The following TRIM25 variants were observed in gnomAD, a reference collection of about 807,000 sequenced individuals.
TRIM25 encodes tripartite motif containing 25.
TRIM25 carries 45 observed loss-of-function variants against 65.2 expected under a neutral mutation model. The ratio of observed to expected loss-of-function variants is 0.69; its 90% CI spans 0.54 to 0.89. The LOEUF (loss-of-function observed/expected upper bound fraction) is 0.89. Among genes scored for constraint, TRIM25 ranks in the 40% least tolerant of loss-of-function variants. The pLI, the probability that TRIM25 is intolerant of heterozygous loss-of-function variation, is 0.00. For synonymous variants in TRIM25, 321 were observed against 340.4 expected, an observed-to-expected ratio of 0.94 and a Z score of 0.63; for missense variants, 714 against 803.7, an observed-to-expected ratio of 0.89 and a Z score of 1.35.
In TRIM25 at chr17:56,895,911, A is replaced by C; in HGVS notation, c.1180+15T>G. 6.2e-7 allele frequency: 1 copy of C among 1,610,380 alleles called. No individual in the cohort carries two copies. The highest frequency in any genetic ancestry group is 8.5e-7 in the Non-Finnish European group (1 of 1,179,114). On this transcript the variant is annotated intron_variant, in intron 6 of 8. Transcript: ENST00000316881. ...AGTCTCAAGAAACGAACAGTTGCAG[A>C]AATGCATAACTTACGAGGTTTCTTG...
intron 1 of TRIM25, among the ~76,000 whole-genome samples, chr17:56,910,159 GA>G (rs535960199): frequency 0.013 from 1,960 of 148,940 alleles, 41 homozygotes; most frequent in African/African-American, 0.045. Context: ...GAGATTTCTA[GA>G]AAAAAAAAAT....
intron 1 of TRIM25, chr17:56,912,142 C>T (rs1054745486): frequency 2.0e-5 from 3 of 152,262 alleles, no homozygotes; most frequent in East Asian, 1.9e-4. Flanking sequence ...AACACGAAGA[C>T]GGGTCTTGTT....
intron 3 of TRIM25, among the ~76,000 whole-genome samples, chr17:56,902,966 T>G (rs1449084870): frequency 6.6e-6 from 1 of 152,196 alleles, no homozygotes; most frequent in Admixed American, 6.5e-5. Flanking sequence ...CCCTGTGACA[T>G]GCCTGCTCCC....
chr17:56,905,090 C>T (rs1909493883), intron 2 of TRIM25, among the ~76,000 whole-genome samples: 1 of 152,050 alleles, frequency 6.6e-6, no homozygotes, highest in Non-Finnish European at 1.5e-5. Flanking sequence ...GGGGCTGCAT[C>T]GATGATATTT....
Position 56,913,249 on chromosome 17 carries a change from A to T in TRIM25, c.597+143T>A. On this transcript the variant is annotated intron_variant, in intron 1 of 8. Coordinates refer to ENST00000316881, the MANE Select transcript of TRIM25 (RefSeq NM_005082.5). The surrounding 1 kb of genome is among the most constrained non-coding windows in gnomAD (Gnocchi z 6.1). ...CTATATAATCTCCCATCCCCTTTCT[A>T]CTCTGACATTGGAGATGCCCCGGCC... 1.5e-6 allele frequency: 1 copy of T among 653,382 alleles called. No individual in the cohort carries two copies. Among genetic ancestry groups the T allele is most frequent in the Non-Finnish European group, 2.5e-6 (1 of 404,392 alleles). The allele number at this position is 653,382 out of a possible 1,614,324, so 40.5% of individuals were successfully genotyped here.
chr17:56,897,798 G>A (rs572731910), intron 5 of TRIM25, among the ~76,000 whole-genome samples: 1 of 152,294 alleles, frequency 6.6e-6, no homozygotes, highest in South Asian at 2.1e-4. Flanking sequence ...GACTGGGGAA[G>A]GACACAGGTC....
Position 56,891,554 on chromosome 17 carries a change from A to ACCCCCCCCCCCCCCC in TRIM25, c.*145_*146insGGGGGGGGGGGGGGG. On this transcript the variant is annotated 3_prime_UTR_variant, in exon 9 of 9. Transcript: ENST00000316881. ...CTCACCCCTTTCCTGGCTAAATCCC[A>ACCCCCCCCCCCCCCC]CCTCCCACCCTCCCGCCAGCTCCCC... The ACCCCCCCCCCCCCCC allele has an allele frequency of 3.7e-6, 1 of 272,548 alleles. No individual in the cohort carries two copies. The highest frequency in any genetic ancestry group is 2.8e-5 in the South Asian group (1 of 35,972). 16.9% of individuals were successfully genotyped at this position (272,548 alleles called of 1,614,324 possible).
At chr17:56,896,259 T>C (rs1909290323) in intron 5 of TRIM25, among the ~76,000 whole-genome samples, 1 of 151,884 alleles carries the variant, frequency 6.6e-6, no homozygotes, top group South Asian at 2.1e-4. Context: ...ACTGCACATT[T>C]AAGATTTACT....
rs764237117 is a variant in TRIM25 at position 56,890,680 on chromosome 17, C to G, written c.*1020G>C. 1 of 456,660 alleles carries G rather than the reference C, an allele frequency of 2.2e-6. No individual in the cohort carries two copies. 28.3% of individuals were successfully genotyped at this position (456,660 alleles called of 1,614,324 possible). The stretch of plus-strand genomic sequence containing the variant: ...GCTGGAGGCTTGACTGTGCTAGCCT[C>G]GGTGGTACCTGCACTGTCATTCCAT... On this transcript the variant is annotated 3_prime_UTR_variant, in exon 9 of 9. Transcript: ENST00000316881.
At chr17:56,896,738 T>C (rs1490090745) in intron 5 of TRIM25, among the ~76,000 whole-genome samples, 2 of 152,036 alleles carry the variant, frequency 1.3e-5, no homozygotes, top group Non-Finnish European at 2.9e-5. Context: ...GAACTGAGTT[T>C]GGCTAAAATA....
rs930028121 is a variant in TRIM25 at position 56,890,385 on chromosome 17, C to T, written c.*1315G>A. 7 of 352,718 alleles carry T rather than the reference C, an allele frequency of 2.0e-5. No homozygotes were observed. The highest frequency in any genetic ancestry group is 1.3e-4 in the African/African-American group (6 of 46,630). 21.8% of individuals were successfully genotyped at this position (352,718 alleles called of 1,614,324 possible). ...TGTGACCCTCTTTAGCTCTTTCCCTCCCTCCCTGATCAATGTGAGCTTATA... is the reference window on the plus strand; with the variant it reads ...TGTGACCCTCTTTAGCTCTTTCCCTTCCTCCCTGATCAATGTGAGCTTATA... On this transcript the variant is annotated 3_prime_UTR_variant, in exon 9 of 9. Transcript: ENST00000316881.
chr17:56,911,101 C>T (rs2144364710), intron 1 of TRIM25, among the ~76,000 whole-genome samples: 1 of 152,076 alleles, frequency 6.6e-6, no homozygotes, highest in Admixed American at 6.5e-5. Context: ...CCCGTCTCTA[C>T]AAAAAATGTT....
chr17:56,889,688 A>G lies in TRIM25; in HGVS notation c.*2012T>C, dbSNP rs762508250. The G allele has an allele frequency of 2.5e-6, 1 of 398,578 alleles. No individual in the cohort carries two copies. Among genetic ancestry groups the G allele is most frequent in the Middle Eastern group, 6.3e-4 (1 of 1,588 alleles). 24.7% of individuals were successfully genotyped at this position (398,578 alleles called of 1,614,324 possible). Reference sequence around the variant, plus strand: ...GCCTCACTGTTGCCCTCATTTCTGCAGAAGAGAGCCAGAGCAGGAGCCATG... The same window carrying G: ...GCCTCACTGTTGCCCTCATTTCTGCGGAAGAGAGCCAGAGCAGGAGCCATG... On this transcript the variant is annotated 3_prime_UTR_variant, in exon 9 of 9. Coordinates refer to ENST00000316881, the MANE Select transcript of TRIM25 (RefSeq NM_005082.5).
At chr17:56,906,400 G>A (rs991164728) in intron 2 of TRIM25, among the ~76,000 whole-genome samples, 2 of 152,156 alleles carry the variant, frequency 1.3e-5, no homozygotes, top group African/African-American at 4.8e-5. Flanking sequence ...GCAGAAAACA[G>A]ACTAAGACAA....
At position 56,913,799 on chromosome 17, in the gene TRIM25, G is replaced by A. The variant is rs1338544005; in HGVS notation, c.190C>T (p.His64Tyr). The change falls in exon 1 of 9, where the codon CAC becomes TAC. Residue 64 changes from histidine (H) to tyrosine (Y), a missense_variant. His to Tyr is a moderately conservative substitution (Grantham distance 83). Transcript: ENST00000316881. This position sits in a 1 kb window ranked among gnomAD's most constrained non-coding sequence, Gnocchi z 6.1. ...ACGTTGCACAGCACCGTGTTCTTGT[G>A]CAGCTGCGGTCGCGCCTGGTAGACG... is the stretch of plus-strand genomic sequence containing the variant. ...RAVYQARPQL[H>Y]KNTVLCNVVE... The A allele has an allele frequency of 1.3e-6, 2 of 1,560,298 alleles. No homozygotes were observed. Among genetic ancestry groups the A allele is most frequent in the Admixed American group, 3.8e-5 (2 of 52,838 alleles).
rs771480428 is a variant in TRIM25 at position 56,904,307 on chromosome 17, T to C, written c.875A>G (p.Lys292Arg). ...LKKKSEIQTL[K>R]EEIEQSLTKR... ...GGTCAGGCTCTGTTCAATCTCCTCC[T>C]TCAAGGTCTGGATCTCACTCTTCTT... Residue 292 changes from lysine (K) to arginine (R), a missense_variant, in exon 3 of 9, where the codon AAG (lysine) becomes AGG (arginine). Lys to Arg is a conservative substitution (Grantham distance 26). Coordinates refer to ENST00000316881, the MANE Select transcript of TRIM25 (RefSeq NM_005082.5). 16 of 1,613,972 alleles carry C rather than the reference T, an allele frequency of 9.9e-6. No individual in the cohort carries two copies. The highest frequency in any genetic ancestry group is 1.3e-5 in the Non-Finnish European group (15 of 1,180,024).
At chr17:56,903,538 C>T (rs776835169) in intron 3 of TRIM25, among the ~76,000 whole-genome samples, 4 of 152,170 alleles carry the variant, frequency 2.6e-5, no homozygotes, top group African/African-American at 7.2e-5. Context: ...TGGCAGGCAA[C>T]GTTCTAAGAT....
intron 2 of TRIM25, among the ~76,000 whole-genome samples, chr17:56,907,708 GC>G (rs1436181689): frequency 6.6e-6 from 1 of 152,062 alleles, no homozygotes; most frequent in East Asian, 1.9e-4. Flanking sequence ...TGAATGCTGG[GC>G]CCCCAAAAGA....
In TRIM25 at chr17:56,891,904, A is replaced by G. The variant is rs561236452; in HGVS notation, c.1689T>C (p.Asn563=). The G allele has an allele frequency of 6.2e-7, 1 of 1,614,192 alleles. No individual in the cohort carries two copies. Among genetic ancestry groups the G allele is most frequent in the Admixed American group, 1.7e-5 (1 of 60,024 alleles). The change falls in exon 9 of 9, where the codon AAT becomes AAC. Residue 563 remains asparagine (N), a synonymous_variant. Coordinates refer to ENST00000316881, the MANE Select transcript of TRIM25 (RefSeq NM_005082.5). ...WFNTKISAWH[N]NVEKTLPSTK... Reference sequence around the variant, plus strand: ...TGGAGGGCAGGGTTTTCTCCACGTTATTGTGCCAGGCAGAGATCTTGGTGT... The same window carrying G: ...TGGAGGGCAGGGTTTTCTCCACGTTGTTGTGCCAGGCAGAGATCTTGGTGT...
Sources: allele counts gnomAD v4.1 joint callset (sites outside exome capture counted in the v4.1 genomes callset), GRCh38; gene constraint gnomAD v4.1.1; non-coding constraint Gnocchi (gnomAD v3.1); transcripts MANE v1.5; gene names NCBI Gene and HGNC (gene_info 2026-07-23, HGNC 2026-07-21).